The following CLASP1 variants were observed in gnomAD, a reference collection of about 807,000 sequenced individuals.
The protein encoded by CLASP1 is cytoplasmic linker associated protein 1.
In CLASP1, 38 loss-of-function variants were observed where a neutral mutation model predicts 192.3. The observed-to-expected ratio is 0.20, with a 90% CI of 0.15 to 0.26. The LOEUF is 0.26. Among genes scored for constraint, CLASP1 ranks in the 10% least tolerant of loss-of-function variants. The pLI is 1.00. For synonymous variants in CLASP1, 691 were observed against 712.8 expected, an observed-to-expected ratio of 0.97 and a Z score of 0.49; for missense variants, 1,433 against 1,932.5, an observed-to-expected ratio of 0.74 and a Z score of 4.85.
chr2:121,530,902 C>A (rs144448852), intron 2 of CLASP1: 4 of 695,352 alleles, frequency 5.8e-6, no homozygotes, highest in African/African-American at 3.5e-5. Context: ...CTTGGGGTTG[C>A]GCTACTGTCC....
intron 2 of CLASP1, chr2:121,532,667 A>T (rs1159576699): frequency 1.3e-5 from 2 of 152,230 alleles, no homozygotes; most frequent in African/African-American, 4.8e-5. Flanking sequence ...ACAGGAGCCA[A>T]GGGAAACATA....
At chr2:121,427,348 G>T in intron 21 of CLASP1, 56 bp downstream of exon 21, 1 of 1,590,242 alleles carries the variant, frequency 6.3e-7, no homozygotes, top group East Asian at 2.2e-5. Context: ...ACATGGGGTC[G>T]GGGAGAATGC....
chr2:121,488,557 C>G (rs2093123992), intron 8 of CLASP1, among the ~76,000 whole-genome samples: 2 of 152,194 alleles, frequency 1.3e-5, no homozygotes, highest in Non-Finnish European at 2.9e-5. Context: ...ACAGCAAAAA[C>G]TAGGGCTCTC....
intron 18 of CLASP1, 140 bp from the exon 19 acceptor site, chr2:121,447,647 A>G: frequency 2.8e-6 from 2 of 722,002 alleles, no homozygotes; most frequent in Non-Finnish European, 4.5e-6. Flanking sequence ...ACTGACAAAC[A>G]GTTTCTCCTG....
At chr2:121,603,022 C>G (rs1162707891) in intron 2 of CLASP1, 1 of 151,880 alleles carries the variant, frequency 6.6e-6, no homozygotes, top group African/African-American at 2.4e-5. Flanking sequence ...AGACAAGCTA[C>G]AGAATGGGAG....
chr2:121,359,516 TAAG>T (rs1208509434), intron 37 of CLASP1, among the ~76,000 whole-genome samples: 1 of 152,140 alleles, frequency 6.6e-6, no homozygotes, highest in Non-Finnish European at 1.5e-5. Flanking sequence ...AATTCTAATA[TAAG>T]AAGAGTTCAA....
intron 1 of CLASP1, among the ~76,000 whole-genome samples, chr2:121,642,897 G>C (rs1298328981): frequency 1.3e-5 from 2 of 152,224 alleles, no homozygotes; most frequent in Non-Finnish European, 2.9e-5. Context: ...CAGTCTCAAA[G>C]AGTGATATAT....
chr2:121,378,042 G>C (rs888787093), intron 33 of CLASP1, among the ~76,000 whole-genome samples: 2 of 152,160 alleles, frequency 1.3e-5, no homozygotes, highest in African/African-American at 4.8e-5. Flanking sequence ...AAGAGGAATG[G>C]GCAGTTGGAA....
chr2:121,640,419 C>T (rs1343130896), intron 1 of CLASP1, among the ~76,000 whole-genome samples: 4 of 151,994 alleles, frequency 2.6e-5, no homozygotes, highest in African/African-American at 9.7e-5. Context: ...TATTTTACTA[C>T]AATAAAACAC....
intron 2 of CLASP1, among the ~76,000 whole-genome samples, chr2:121,595,089 G>A (rs529026522): frequency 3.3e-5 from 5 of 152,202 alleles, no homozygotes; most frequent in South Asian, 2.1e-4. Flanking sequence ...TGTGGGGTAC[G>A]TCCTTACACC....
intron 6 of CLASP1, among the ~76,000 whole-genome samples, chr2:121,521,771 T>C (rs10221922): frequency 4.0e-5 from 6 of 151,868 alleles, no homozygotes; most frequent in Non-Finnish European, 8.8e-5. Context: ...CACACTGGCT[T>C]TAGGGAAATG....
chr2:121,383,957 G>A (rs2072417319), intron 32 of CLASP1, among the ~76,000 whole-genome samples: 1 of 147,214 alleles, frequency 6.8e-6, no homozygotes, highest in Non-Finnish European at 1.5e-5. Context: ...CTACTACTGG[G>A]TTGATAAAAA....
At chr2:121,648,072 G>A (rs80005723) in intron 1 of CLASP1, among the ~76,000 whole-genome samples, 5,875 of 152,228 alleles carry the variant, frequency 0.039, 159 homozygotes, top group East Asian at 0.14. Context: ...ATACTCTGAG[G>A]CACTGTGCTA....
intron 1 of CLASP1, among the ~76,000 whole-genome samples, chr2:121,618,231 A>G (rs1005397031): frequency 1.3e-5 from 2 of 152,252 alleles, no homozygotes; most frequent in Non-Finnish European, 2.9e-5. Flanking sequence ...TGTTGCAAAC[A>G]AGGTACTCCA....
chr2:121,561,377 C>T (rs2059072381), intron 2 of CLASP1, among the ~76,000 whole-genome samples: 1 of 152,188 alleles, frequency 6.6e-6, no homozygotes, highest in Non-Finnish European at 1.5e-5. Context: ...TTAAAGCTTT[C>T]TTTTCTCTTA....
intron 19 of CLASP1, among the ~76,000 whole-genome samples, chr2:121,434,824 C>T (rs2082037103): frequency 6.6e-6 from 1 of 152,000 alleles, no homozygotes; most frequent in Non-Finnish European, 1.5e-5. Context: ...ACTGTCTCAA[C>T]TAAAAATGCA....
At chr2:121,554,683 G>C (rs1226474994) in intron 2 of CLASP1, among the ~76,000 whole-genome samples, 3 of 152,188 alleles carry the variant, frequency 2.0e-5, no homozygotes, top group East Asian at 3.9e-4. Flanking sequence ...TGTCCAGAAA[G>C]GGCAAATCAG....
intron 2 of CLASP1, among the ~76,000 whole-genome samples, chr2:121,604,657 G>C (rs767064491): frequency 2.0e-5 from 3 of 152,178 alleles, no homozygotes; most frequent in Non-Finnish European, 2.9e-5. Flanking sequence ...GACAGAGCAA[G>C]ACTCGGTCTA....
intron 25 of CLASP1, among the ~76,000 whole-genome samples, chr2:121,406,336 G>C (rs946113941): frequency 3.3e-5 from 5 of 152,164 alleles, no homozygotes; most frequent in African/African-American, 1.2e-4. Flanking sequence ...CTATTTTGGA[G>C]TGCTCCATTT....
Sources: allele counts gnomAD v4.1 joint callset (sites outside exome capture counted in the v4.1 genomes callset), GRCh38; gene constraint gnomAD v4.1.1; transcripts MANE v1.5; gene names NCBI Gene and HGNC (gene_info 2026-07-23, HGNC 2026-07-21).